Variants in HDAC9 observed in about 807,000 individuals in gnomAD.
HDAC9 encodes histone deacetylase 9.
Under a neutral mutation model 139.4 loss-of-function variants are expected in HDAC9, and 41 were observed. The ratio of observed to expected loss-of-function variants is 0.29; its 90% confidence interval spans 0.23 to 0.38. The LOEUF is 0.38. Among genes scored for constraint, HDAC9 ranks in the 10% least tolerant of loss-of-function variants. The probability of loss-of-function intolerance (pLI) is 1.00; values close to 1 mark genes in which losing one functional copy is unlikely to be tolerated. For missense variants in HDAC9, 1,147 were observed against 1,297.0 expected, an observed-to-expected ratio of 0.88 and a Z score of 1.78; for synonymous variants, 517 against 476.2, an observed-to-expected ratio of 1.09 and a Z score of -1.12.
intron 1 of HDAC9, among the ~76,000 whole-genome samples, chr7:18,159,630 T>C (rs1397298923): frequency 6.6e-6 from 1 of 152,176 alleles, no homozygotes; most frequent in Non-Finnish European, 1.5e-5. Context: ...GTACAGCAGA[T>C]CCATATCCCT....
intron 22 of HDAC9, among the ~76,000 whole-genome samples, chr7:18,917,442 G>A (rs190150008): frequency 4.0e-5 from 6 of 150,822 alleles, no homozygotes; most frequent in South Asian, 4.2e-4. Context: ...GAAAAGACAC[G>A]TATATATGAA....
At chr7:18,711,424 A>AATATGACTAATTAGTCAAT in intron 12 of HDAC9, among the ~76,000 whole-genome samples, 1 of 152,226 alleles carries the variant, frequency 6.6e-6, no homozygotes, top group Non-Finnish European at 1.5e-5. Context: ...TAGTGTTTAC[A>AATATGACTAATTAGTCAAT]AATAAGCTCA....
chr7:18,180,270 C>CAT (rs1302289487), intron 2 of HDAC9, among the ~76,000 whole-genome samples: 1 of 150,186 alleles, frequency 6.7e-6, no homozygotes, highest in Non-Finnish European at 1.5e-5. Flanking sequence ...CACACACACA[C>CAT]ACACCACATT....
chr7:18,570,859 G>T (rs1824054869), intron 2 of HDAC9, among the ~76,000 whole-genome samples: 1 of 152,216 alleles, frequency 6.6e-6, no homozygotes, highest in Non-Finnish European at 1.5e-5. Context: ...ATTTAAATTA[G>T]AATAAGAGAA....
At chr7:18,894,548 G>A (rs1800998049) in intron 22 of HDAC9, among the ~76,000 whole-genome samples, 1 of 152,106 alleles carries the variant, frequency 6.6e-6, no homozygotes, top group South Asian at 2.1e-4. Flanking sequence ...AGTTTGATGA[G>A]TTAAAAGCCT....
At chr7:18,483,248 G>T (rs938007850) in intron 1 of HDAC9, among the ~76,000 whole-genome samples, 2 of 152,164 alleles carry the variant, frequency 1.3e-5, no homozygotes, top group African/African-American at 4.8e-5. Context: ...GGTGTCTCAA[G>T]AACAGGTAAT....
intron 1 of HDAC9, among the ~76,000 whole-genome samples, chr7:18,132,741 G>A (rs1244550699): frequency 6.6e-6 from 1 of 152,162 alleles, no homozygotes; most frequent in Non-Finnish European, 1.5e-5. Context: ...CTTTGGACCT[G>A]TGAGGCCTTA....
At chr7:18,941,674 A>G (rs1475716903) in intron 23 of HDAC9, among the ~76,000 whole-genome samples, 1 of 152,146 alleles carries the variant, frequency 6.6e-6, no homozygotes, top group African/African-American at 2.4e-5. Context: ...AATGTATGAT[A>G]TGTCAGAATA....
rs1015292033 is a variant in HDAC9, at chr7:18,931,886, C to T, written c.2804-3923C>T. 3.9e-4 allele frequency among the ~76,000 whole-genome samples: 60 copies of T among 152,066 alleles called. 1 individual carries two copies. The highest frequency in any genetic ancestry group is 1.4e-3 in the African/African-American group (58 of 41,412). On this transcript the variant is annotated intron_variant, in intron 22 of 25. Transcript: ENST00000686413. ...GGTAAATCACAGGAAATTTTCAGGG[C>T]AGTCATTGATTCTGTCTGATAGTAT...
chr7:18,370,070 G>C (rs1784481264), intron 1 of HDAC9, among the ~76,000 whole-genome samples: 1 of 152,072 alleles, frequency 6.6e-6, no homozygotes, highest in African/African-American at 2.4e-5. Context: ...TAGAGGTAAT[G>C]ATACAGAAAG....
At chr7:18,162,195 G>A (rs1053145873) in intron 1 of HDAC9, 2 of 763,704 alleles carry the variant, frequency 2.6e-6, no homozygotes, top group African/African-American at 3.5e-5. Context: ...GATATAGCTT[G>A]TATCTTAAAC....
chr7:18,185,247 T>C (rs1459989068), intron 2 of HDAC9, among the ~76,000 whole-genome samples: 1 of 152,192 alleles, frequency 6.6e-6, no homozygotes, highest in Non-Finnish European at 1.5e-5. Flanking sequence ...TACATTAAAA[T>C]AACCTGGAGA....
intron 1 of HDAC9, among the ~76,000 whole-genome samples, chr7:18,453,295 G>T (rs1793049319): frequency 6.6e-6 from 1 of 152,002 alleles, no homozygotes; most frequent in Non-Finnish European, 1.5e-5. Context: ...ATGATGATAA[G>T]TACACAAAGG....
intron 1 of HDAC9, among the ~76,000 whole-genome samples, chr7:18,409,189 A>G (rs914321823): frequency 2.0e-4 from 30 of 152,166 alleles, no homozygotes; most frequent in African/African-American, 7.2e-4. Context: ...AACTTTACCT[A>G]CTTGTTAATT....
chr7:18,640,169 G>A (rs1785113428), intron 8 of HDAC9, among the ~76,000 whole-genome samples: 1 of 151,322 alleles, frequency 6.6e-6, no homozygotes, highest in Non-Finnish European at 1.5e-5. Context: ...AGGCTGAGGT[G>A]GGAGGATAAC....
intron 13 of HDAC9, among the ~76,000 whole-genome samples, chr7:18,734,658 C>G (rs1480691592): frequency 6.6e-6 from 1 of 152,198 alleles, no homozygotes; most frequent in Non-Finnish European, 1.5e-5. Context: ...TGAGTCGATT[C>G]CAGGTCTTTC....
chr7:18,430,725 A>G (rs1200076133), intron 1 of HDAC9: 1 of 9,198 alleles, frequency 1.1e-4, no homozygotes, highest in East Asian at 0.016. Context: ...TTACTAAAAT[A>G]CAAAAAAAAA....
At chr7:18,880,638 TG>T (rs1398536790) in intron 22 of HDAC9, among the ~76,000 whole-genome samples, 9 of 151,998 alleles carry the variant, frequency 5.9e-5, no homozygotes, top group African/African-American at 1.9e-4. Context: ...TAACAGATAC[TG>T]GGGTCTACTT....
At chr7:18,919,066 A>G (rs1803458648) in intron 22 of HDAC9, among the ~76,000 whole-genome samples, 1 of 152,096 alleles carries the variant, frequency 6.6e-6, no homozygotes, top group Admixed American at 6.6e-5. Flanking sequence ...ACTTGAGTTA[A>G]TCAGTAATAA....
Sources: allele counts gnomAD v4.1 joint callset (sites outside exome capture counted in the v4.1 genomes callset), GRCh38; gene constraint gnomAD v4.1.1; transcripts MANE v1.5; gene names NCBI Gene and HGNC (gene_info 2026-07-23, HGNC 2026-07-21).